The following FOXP2 variants were observed in gnomAD, a reference collection of about 807,000 sequenced individuals.
FOXP2 encodes forkhead box protein P2.
FOXP2 carries 12 observed loss-of-function variants against 115.8 expected under a neutral mutation model. The observed-to-expected ratio is 0.10, with a 90% CI of 0.07 to 0.17. The LOEUF is 0.17. Ranked by LOEUF, FOXP2 falls within the 10% of genes least tolerant of loss-of-function variation. The pLI, the probability that FOXP2 is intolerant of heterozygous loss-of-function variation, is 1.00. For synonymous variants in FOXP2, 328 were observed against 297.7 expected (o/e 1.10, Z -1.05); for missense variants, 629 against 843.5 (o/e 0.75, Z 3.15).
chr7:114,197,443 A>T (rs1793942200), intron 1 of FOXP2, among the ~76,000 whole-genome samples: 1 of 152,164 alleles, frequency 6.6e-6, no homozygotes, highest in Non-Finnish European at 1.5e-5. Flanking sequence ...TCTGAGTTTG[A>T]GGGCTCTGTG....
intron 3 of FOXP2, among the ~76,000 whole-genome samples, chr7:114,547,564 T>C (rs1164487720): frequency 6.6e-6 from 1 of 152,118 alleles, no homozygotes; most frequent in Non-Finnish European, 1.5e-5. Flanking sequence ...AAGACCATCC[T>C]GAATAACACG....
chr7:114,524,427 A>T (rs968080906), intron 2 of FOXP2, among the ~76,000 whole-genome samples: 4 of 152,046 alleles, frequency 2.6e-5, no homozygotes, highest in African/African-American at 9.7e-5. Context: ...ACAGCTCTTT[A>T]TTTGAGTCTT....
At chr7:114,313,231 A>C (rs913360158) in intron 2 of FOXP2, among the ~76,000 whole-genome samples, 5 of 152,224 alleles carry the variant, frequency 3.3e-5, no homozygotes, top group Non-Finnish European at 7.3e-5. Context: ...AAGTTTATAG[A>C]ATAACATAGC....
chr7:114,195,832 C>T (rs190377907), intron 1 of FOXP2, among the ~76,000 whole-genome samples: 176 of 152,096 alleles, frequency 1.2e-3, no homozygotes, highest in African/African-American at 4.0e-3. Context: ...TTTGTGACAA[C>T]TAATGCACCT....
upstream of FOXP2, chr7:114,414,633 C>A: frequency 6.1e-6 from 1 of 163,282 alleles, no homozygotes; most frequent in Admixed American, 6.0e-5. Context: ...TTTTGATGTG[C>A]ATTGAAGATT....
chr7:114,303,867 A>G (rs762195151), intron 2 of FOXP2, among the ~76,000 whole-genome samples: 1 of 152,138 alleles, frequency 6.6e-6, no homozygotes, highest in Non-Finnish European at 1.5e-5. Flanking sequence ...CTGATGCTCT[A>G]AGAATGAAAC....
At chr7:114,110,363 A>G (rs1173301855) in intron 1 of FOXP2, among the ~76,000 whole-genome samples, 1 of 152,168 alleles carries the variant, frequency 6.6e-6, no homozygotes, top group Non-Finnish European at 1.5e-5. Flanking sequence ...TAACCACAAG[A>G]TGTATAGCCA....
chr7:114,599,272 G>T (rs538499620), intron 3 of FOXP2, among the ~76,000 whole-genome samples: 71 of 152,146 alleles, frequency 4.7e-4, no homozygotes, highest in African/African-American at 1.7e-3. Context: ...AAGGGTTTTC[G>T]TCTAAACAAA....
chr7:114,373,977 C>G (rs1347421353), intron 2 of FOXP2, among the ~76,000 whole-genome samples: 2 of 152,142 alleles, frequency 1.3e-5, no homozygotes, highest in Non-Finnish European at 2.9e-5. Flanking sequence ...CTCTGATCTT[C>G]CAATATTCCA....
intron 2 of FOXP2, among the ~76,000 whole-genome samples, chr7:114,448,739 T>C (rs1288015825): frequency 6.6e-6 from 1 of 152,158 alleles, no homozygotes; most frequent in Non-Finnish European, 1.5e-5. Flanking sequence ...CGGTATTTAA[T>C]TAGTACCACA....
At position 114,124,399 on chromosome 7, in the gene FOXP2, A is replaced by G. The variant is rs182326040; in HGVS notation, c.-247+36561A>G. Among the ~76,000 whole-genome samples the G allele has an allele frequency of 3.3e-3, 498 of 152,216 alleles. 3 individuals carry two copies. Among genetic ancestry groups the G allele is most frequent in the African/African-American group, 0.011 (440 of 41,550 alleles). On this transcript the variant is annotated intron_variant, in intron 1 of 19. Coordinates refer to the FOXP2 transcript ENST00000635638. ...TTCAAATATTGGTTACAATCATTCT[A>G]TAATTTAGTTTTAAAATTCAAATTC...
intron 6 of FOXP2, among the ~76,000 whole-genome samples, chr7:114,639,663 A>G (rs1263236588): frequency 1.3e-5 from 2 of 152,182 alleles, no homozygotes; most frequent in African/African-American, 4.8e-5. Context: ...GAAGCCAAGA[A>G]CAGGTTGTGG....
intron 2 of FOXP2, among the ~76,000 whole-genome samples, chr7:114,313,972 A>G (rs1255719468): frequency 1.3e-5 from 2 of 151,914 alleles, no homozygotes; most frequent in African/African-American, 2.4e-5. Context: ...ACATTAATTT[A>G]GTGGATTGCA....
chr7:114,528,791 T>C (rs1408195680), intron 2 of FOXP2, among the ~76,000 whole-genome samples: 1 of 151,364 alleles, frequency 6.6e-6, no homozygotes, highest in East Asian at 1.9e-4. Flanking sequence ...AAAACCCTGC[T>C]AAGGTATGTG....
At chr7:114,356,113 A>G (rs996238514) in intron 2 of FOXP2, among the ~76,000 whole-genome samples, 5 of 152,196 alleles carry the variant, frequency 3.3e-5, no homozygotes, top group Admixed American at 3.3e-4. Context: ...TCCCCCGTAG[A>G]AAGGCCCAAA....
In FOXP2 at chr7:114,617,188, G is replaced by A. The variant is rs117659230; in HGVS notation, c.259-11352G>A. ...CTTAAATTTAAATTTAGCATACCAA[G>A]CATGCTGAGAACCAATCCACTTCCT... On this transcript the variant is annotated intron_variant, in intron 3 of 16. Coordinates refer to ENST00000350908, the MANE Select transcript of FOXP2 (RefSeq NM_014491.4). Among the ~76,000 whole-genome samples the A allele has an allele frequency of 6.8e-3, 1,040 of 152,298 alleles. 9 individuals carry two copies. The highest frequency in any genetic ancestry group is 9.4e-3 in the Admixed American group (144 of 15,298).
In FOXP2 at chr7:114,678,627, A is replaced by G. The variant is rs139083888; in HGVS notation, c.2004-11155A>G. ...CCTTCCTTCAATATTCAGTTTTAAA[A>G]TACATTTTTCCTTAAAATGCTATAA... On this transcript the variant is annotated intron_variant, in intron 16 of 16. Coordinates refer to ENST00000350908, the MANE Select transcript of FOXP2 (RefSeq NM_014491.4). 2.8e-3 allele frequency among the ~76,000 whole-genome samples: 416 copies of G among 146,036 alleles called. 2 individuals are homozygous for G. The highest frequency in any genetic ancestry group is 9.9e-3 in the African/African-American group (398 of 40,304).
At chr7:114,602,549 G>T (rs187914633) in intron 3 of FOXP2, among the ~76,000 whole-genome samples, 2 of 151,972 alleles carry the variant, frequency 1.3e-5, no homozygotes, top group East Asian at 1.9e-4. Context: ...GTTTTCTGTG[G>T]TTTATTATAC....
intron 8 of FOXP2, among the ~76,000 whole-genome samples, chr7:114,649,729 G>C (rs1383489016): frequency 6.6e-6 from 1 of 151,998 alleles, no homozygotes; most frequent in Non-Finnish European, 1.5e-5. Context: ...ACATATCACT[G>C]GTAAACAATA....
Sources: gnomAD v4.1 joint callset for allele counts (sites outside exome capture counted in the v4.1 genomes callset) on GRCh38, gnomAD v4.1.1 for gene constraint, MANE v1.5 for transcripts, NCBI Gene and HGNC (gene_info 2026-07-23, HGNC 2026-07-21) for gene names.